The following C1orf21 variants were observed in gnomAD, a reference collection of about 807,000 sequenced individuals.
C1orf21 encodes uncharacterized protein C1orf21.
In C1orf21, 3 loss-of-function variants were observed where a neutral mutation model predicts 18.7. That is an observed-to-expected ratio of 0.16 (90% CI 0.07 to 0.42). C1orf21 has a LOEUF of 0.42. Among genes scored for constraint, C1orf21 ranks in the 10% least tolerant of loss-of-function variants. C1orf21 has a pLI of 0.99. For synonymous variants in C1orf21, 41 were observed against 46.4 expected, an observed-to-expected ratio of 0.88 and a Z score of 0.47; for missense variants, 104 against 143.6, an observed-to-expected ratio of 0.72 and a Z score of 1.41.
chr1:184,513,882 C>G (rs1658186605), intron 3 of C1orf21, among the ~76,000 whole-genome samples: 1 of 152,228 alleles, frequency 6.6e-6, no homozygotes, highest in Non-Finnish European at 1.5e-5. Context: ...TACGTTCCCT[C>G]TTCACATAAG....
At chr1:184,478,466 T>C (rs1295564374) in intron 2 of C1orf21, among the ~76,000 whole-genome samples, 2 of 152,172 alleles carry the variant, frequency 1.3e-5, no homozygotes, top group African/African-American at 4.8e-5. Flanking sequence ...AAAATCAGGA[T>C]ATTTCACATA....
Position 184,622,017 on chromosome 1 carries a change from A to G in C1orf21, c.*2461A>G, listed in dbSNP as rs1659924164. The G allele has an allele frequency of 2.6e-5, 4 of 152,314 alleles. No individual in the cohort carries two copies. Among genetic ancestry groups the G allele is most frequent in the African/African-American group, 9.6e-5 (4 of 41,576 alleles). 9.4% of individuals were successfully genotyped at this position (152,314 alleles called of 1,614,324 possible). On this transcript the variant is annotated 3_prime_UTR_variant, in exon 6 of 6. Transcript: ENST00000235307. Reference sequence around the variant, plus strand: ...TTTCCATTTGTTGGTTTTAATCATAAAATTGTCAAGTGATTCGTGTTTGTA... The same window carrying G: ...TTTCCATTTGTTGGTTTTAATCATAGAATTGTCAAGTGATTCGTGTTTGTA...
intron 3 of C1orf21, among the ~76,000 whole-genome samples, chr1:184,561,400 T>C (rs1658962148): frequency 6.6e-6 from 1 of 152,172 alleles, no homozygotes; most frequent in African/African-American, 2.4e-5. Context: ...ATAGACTTTA[T>C]CTGGATGACA....
At chr1:184,441,239 A>G (rs1262051413) in intron 1 of C1orf21, among the ~76,000 whole-genome samples, 1 of 152,172 alleles carries the variant, frequency 6.6e-6, no homozygotes, top group Admixed American at 6.5e-5. Context: ...TTATTTAACT[A>G]TGCTATATCT....
At chr1:184,514,215 G>T (rs1000792776) in intron 3 of C1orf21, among the ~76,000 whole-genome samples, 2 of 152,160 alleles carry the variant, frequency 1.3e-5, no homozygotes, top group Admixed American at 6.5e-5. Context: ...TGAGGCAGGA[G>T]GATCGCTTGA....
At chr1:184,522,452 G>C (rs1003918009) in intron 3 of C1orf21, among the ~76,000 whole-genome samples, 3 of 152,062 alleles carry the variant, frequency 2.0e-5, no homozygotes, top group Non-Finnish European at 2.9e-5. Context: ...TGAAATGTCT[G>C]AGTCTAGGGC....
At chr1:184,464,788 G>C (rs1417331533) in intron 1 of C1orf21, among the ~76,000 whole-genome samples, 5 of 152,144 alleles carry the variant, frequency 3.3e-5, no homozygotes, top group Non-Finnish European at 7.4e-5. Flanking sequence ...GGTGGTTTTC[G>C]AGACCCACCT....
At chr1:184,416,468 A>G (rs527577919) in intron 1 of C1orf21, among the ~76,000 whole-genome samples, 1 of 152,322 alleles carries the variant, frequency 6.6e-6, no homozygotes, top group African/African-American at 2.4e-5. Context: ...TCTTCCAAGT[A>G]GCTTTGGTGA....
chr1:184,565,669 C>G (rs1013071275), intron 3 of C1orf21, among the ~76,000 whole-genome samples: 1 of 152,254 alleles, frequency 6.6e-6, no homozygotes, highest in Non-Finnish European at 1.5e-5. Context: ...CCATATTTCT[C>G]TCACGAAGTC....
At chr1:184,466,030 A>G (rs1657388864) in intron 1 of C1orf21, among the ~76,000 whole-genome samples, 1 of 152,012 alleles carries the variant, frequency 6.6e-6, no homozygotes, top group South Asian at 2.1e-4. Flanking sequence ...TTCTCTAAGT[A>G]CTTTTTGCTG....
chr1:184,500,909 G>A (rs1322066164), intron 2 of C1orf21, among the ~76,000 whole-genome samples: 1 of 152,138 alleles, frequency 6.6e-6, no homozygotes, highest in Non-Finnish European at 1.5e-5. Flanking sequence ...CAGCCCCCCG[G>A]CAGCTGACCC....
At chr1:184,618,720 C>G (rs1157658785) in intron 5 of C1orf21, among the ~76,000 whole-genome samples, 2 of 148,836 alleles carry the variant, frequency 1.3e-5, no homozygotes, top group Non-Finnish European at 3.0e-5. Context: ...ATAATAACAC[C>G]TGACTTTTTA....
chr1:184,467,929 C>T (rs1190448990), intron 1 of C1orf21, among the ~76,000 whole-genome samples: 1 of 151,916 alleles, frequency 6.6e-6, no homozygotes, highest in African/African-American at 2.4e-5. Flanking sequence ...CCATCAGTCA[C>T]AAAAATCACA....
chr1:184,574,113 G>A (rs548051646), intron 3 of C1orf21, among the ~76,000 whole-genome samples: 2 of 152,152 alleles, frequency 1.3e-5, no homozygotes, highest in African/African-American at 4.8e-5. Flanking sequence ...GCTGATACAG[G>A]AGAATCGCTT....
intron 3 of C1orf21, among the ~76,000 whole-genome samples, chr1:184,529,752 A>C (rs1171886462): frequency 1.3e-5 from 2 of 152,214 alleles, no homozygotes; most frequent in African/African-American, 4.8e-5. Flanking sequence ...GAAGGAATTT[A>C]AAGAAGTGAG....
At chr1:184,484,603 C>A (rs1033560845) in intron 2 of C1orf21, among the ~76,000 whole-genome samples, 1 of 152,182 alleles carries the variant, frequency 6.6e-6, no homozygotes, top group Non-Finnish European at 1.5e-5. Context: ...GTTCAGGAAT[C>A]AGGTTGGGCA....
intron 3 of C1orf21, among the ~76,000 whole-genome samples, chr1:184,537,800 G>T (rs978361218): frequency 2.0e-5 from 3 of 151,968 alleles, no homozygotes; most frequent in African/African-American, 7.3e-5. Flanking sequence ...ACAGGCATGC[G>T]CTACCATGCC....
chr1:184,541,128 G>A (rs1157888937), intron 3 of C1orf21, among the ~76,000 whole-genome samples: 2 of 152,144 alleles, frequency 1.3e-5, no homozygotes, highest in Admixed American at 1.3e-4. Flanking sequence ...TGAAGGAATT[G>A]GGATTTAAAG....
intron 1 of C1orf21, among the ~76,000 whole-genome samples, chr1:184,388,608 G>C (rs1441237706): frequency 1.3e-5 from 2 of 151,136 alleles, no homozygotes; most frequent in Non-Finnish European, 2.9e-5. Context: ...AGATTCCATG[G>C]AGTATTTTTT....
Sources: allele counts gnomAD v4.1 joint callset (sites outside exome capture counted in the v4.1 genomes callset), GRCh38; gene constraint gnomAD v4.1.1; transcripts MANE v1.5; gene names NCBI Gene and HGNC (gene_info 2026-07-23, HGNC 2026-07-21).